Variants in HOXC10 observed in about 807,000 individuals in gnomAD.
HOXC10 encodes the protein homeobox C10.
A neutral mutation model predicts 26.0 loss-of-function variants in HOXC10; 15 were observed. That is an observed-to-expected ratio of 0.58 (90% CI 0.39 to 0.89). The LOEUF is 0.89. Among genes scored for constraint, HOXC10 ranks in the 40% least tolerant of loss-of-function variants. The pLI is 0.00. For synonymous variants in HOXC10, 196 were observed against 185.5 expected, an observed-to-expected ratio of 1.06 and a Z score of -0.46; for missense variants, 446 against 451.9, an observed-to-expected ratio of 0.99 and a Z score of 0.12.
chr12:53,989,438 T>G lies in HOXC10; in HGVS notation c.1021T>G (p.Phe341Val), dbSNP rs1356988140. 6.8e-6 allele frequency: 11 copies of G among 1,612,372 alleles called. No homozygotes were observed. The highest frequency in any genetic ancestry group is 9.3e-6 in the Non-Finnish European group (11 of 1,178,876). The change falls in exon 2 of 2, where the codon TTC (phenylalanine) becomes GTC (valine). Residue 341 changes from phenylalanine to valine, a missense_variant. Transcript: ENST00000303460. Reference protein sequence around the residue: ...RIRELTSNFNFT With the variant: ...RIRELTSNFNVT ...CCGGGAACTGACCTCCAATTTTAATTTCACCTGAGAGCGCGGCCTCTCCTC... is the reference window on the plus strand; with the variant it reads ...CCGGGAACTGACCTCCAATTTTAATGTCACCTGAGAGCGCGGCCTCTCCTC...
intron 1 of HOXC10, among the ~76,000 whole-genome samples, chr12:53,988,866 C>G (rs1042219096): frequency 6.6e-6 from 1 of 152,202 alleles, no homozygotes; most frequent in Non-Finnish European, 1.5e-5. Flanking sequence ...GGGAATCTGC[C>G]AGGGTCAGCC....
At position 53,985,189 on chromosome 12, in the gene HOXC10, C is replaced by T. The variant is rs373914181; in HGVS notation, c.-71C>T. On this transcript the variant is annotated 5_prime_UTR_variant, in exon 1 of 2. Transcript: ENST00000303460. The stretch of plus-strand genomic sequence containing the variant: ...TCCCCTCCAACCGCGCCCCCCCTCC[C>T]GGATGGGGAAAAAAAAAGATGTCAG... 2.2e-6 allele frequency: 3 copies of T among 1,377,862 alleles called. No individual in the cohort carries two copies. In the African/African-American group the frequency reaches 4.4e-5, roughly 20 times the overall value. 85.4% of individuals were successfully genotyped at this position (1,377,862 alleles called of 1,614,324 possible). A position where few individuals can be genotyped will look rare whatever the true frequency, so the allele number is the denominator to read the frequency against.
rs538290710 is a variant in HOXC10, at chr12:53,989,400, G to C, written c.983G>C (p.Arg328Pro). ...AGAATGAAACTCAAGAAAATGAACCGAGAGAATCGGATCCGGGAACTGACC... is the reference window on the plus strand; with the variant it reads ...AGAATGAAACTCAAGAAAATGAACCCAGAGAATCGGATCCGGGAACTGACC... ...NRRMKLKKMNRENRIRELTSN... is the reference protein window; with the variant it reads ...NRRMKLKKMNPENRIRELTSN... Residue 328 changes from arginine (R) to proline (P), a missense_variant, in exon 2 of 2, where the codon CGA becomes CCA. Coordinates refer to ENST00000303460, the MANE Select transcript of HOXC10 (RefSeq NM_017409.4). 2 of 1,613,918 alleles carry C rather than the reference G, an allele frequency of 1.2e-6. No homozygotes were observed. The highest frequency in any genetic ancestry group is 1.7e-6 in the Non-Finnish European group (2 of 1,179,956).
intron 1 of HOXC10, 103 bp from the exon 2 acceptor site, chr12:53,989,066 C>G: frequency 9.7e-7 from 1 of 1,033,214 alleles, no homozygotes; most frequent in South Asian, 1.7e-5. Flanking sequence ...AGCAGCTCCC[C>G]TGTGCTCCCT....
intron 1 of HOXC10, among the ~76,000 whole-genome samples, chr12:53,988,628 G>A (rs1041000711): frequency 6.6e-6 from 1 of 152,232 alleles, no homozygotes; most frequent in African/African-American, 2.4e-5. Flanking sequence ...GCTCAGGTTG[G>A]GGTAAGAGCT....
rs1939487345 is a variant in HOXC10 at position 53,989,642 on chromosome 12, T to C, written c.*196T>C. The C allele has an allele frequency of 1.6e-6, 1 of 617,534 alleles. No individual in the cohort carries two copies. The highest frequency in any genetic ancestry group is 2.8e-6 in the Non-Finnish European group (1 of 356,574). 38.3% of individuals were successfully genotyped at this position (617,534 alleles called of 1,614,324 possible). A position where few individuals can be genotyped will look rare whatever the true frequency, so the allele number is the denominator to read the frequency against. ...ATGCTTCCACTTAAAGCATGAGAAA[T>C]GGGGTGCCGGGATGTGGGGTGTGGT... On this transcript the variant is annotated 3_prime_UTR_variant, in exon 2 of 2. Transcript: ENST00000303460.
At chr12:53,988,488 C>A (rs972729746) in intron 1 of HOXC10, among the ~76,000 whole-genome samples, 1 of 152,186 alleles carries the variant, frequency 6.6e-6, no homozygotes, top group Non-Finnish European at 1.5e-5. Context: ...CCTTAGGTTG[C>A]CCCAGCTCTG....
At chr12:53,987,057 A>G (rs1042945339) in intron 1 of HOXC10, among the ~76,000 whole-genome samples, 1 of 152,208 alleles carries the variant, frequency 6.6e-6, no homozygotes, top group Admixed American at 6.5e-5. Context: ...AAAAAGGCCC[A>G]ACCAACGGGG....
chr12:53,987,318 C>T (rs1163843451), intron 1 of HOXC10, among the ~76,000 whole-genome samples: 1 of 152,158 alleles, frequency 6.6e-6, no homozygotes, highest in Admixed American at 6.5e-5. Context: ...ACTCTTTTGG[C>T]GGGCAAGGGC....
intron 1 of HOXC10, among the ~76,000 whole-genome samples, chr12:53,987,557 C>T (rs1020354328): frequency 6.6e-6 from 1 of 152,192 alleles, no homozygotes; most frequent in African/African-American, 2.4e-5. Context: ...GGAAAACCTG[C>T]ATTCTAGCCC....
rs1939480027 is a variant in HOXC10 at position 53,989,263 on chromosome 12, A to T, written c.846A>T (p.Glu282Asp). The change falls in exon 2 of 2, where the codon GAA becomes GAT. Residue 282 changes from glutamate (E) to aspartate (D), a missense_variant. Glu to Asp is a conservative substitution (Grantham distance 45). Coordinates refer to ENST00000303460, the MANE Select transcript of HOXC10 (RefSeq NM_017409.4). The part of the protein sequence containing the change: ...RCPYTKHQTL[E>D]LEKEFLFNMY... ...CCTATACTAAACACCAGACGCTGGA[A>T]TTGGAGAAAGAATTTCTGTTCAATA... 1 of 1,614,118 alleles carries T rather than the reference A, an allele frequency of 6.2e-7. No individual in the cohort carries two copies. The highest frequency in any genetic ancestry group is 1.3e-5 in the African/African-American group (1 of 74,954).
intron 1 of HOXC10, 123 bp from the exon 2 acceptor site, chr12:53,989,046 C>T (rs1412987395): frequency 1.2e-6 from 1 of 800,830 alleles, no homozygotes; most frequent in African/African-American, 1.8e-5. Context: ...CGCCAGGCCC[C>T]TGGGGCAAGA....
Position 53,989,373 on chromosome 12 carries a change from G to A in HOXC10, c.956G>A (p.Arg319His), listed in dbSNP as rs761825384. Residue 319 changes from arginine (R) to histidine (H), a missense_variant, in exon 2 of 2, where the codon CGC becomes CAC. Coordinates refer to ENST00000303460, the MANE Select transcript of HOXC10 (RefSeq NM_017409.4). ...CAAGTCAAAATCTGGTTTCAAAATC[G>A]CAGAATGAAACTCAAGAAAATGAAC... ...DRQVKIWFQN[R>H]RMKLKKMNRE... is the part of the protein sequence containing the mutation. 1 of 1,614,038 alleles carries A rather than the reference G, an allele frequency of 6.2e-7. No individual in the cohort carries two copies. Among genetic ancestry groups the A allele is most frequent in the South Asian group, 1.1e-5 (1 of 91,050 alleles).
chr12:53,985,803 C>G lies in HOXC10; in HGVS notation c.544C>G (p.Pro182Ala). 3 of 1,613,820 alleles carry G rather than the reference C, an allele frequency of 1.9e-6. No homozygotes were observed. The highest frequency in any genetic ancestry group is 2.5e-6 in the Non-Finnish European group (3 of 1,180,020). ...APFEQRASLN[P>A]RAEHLESPQL... Reference sequence around the variant, plus strand: ...TTTCGAGCAGCGGGCCAGTCTCAACCCGCGCGCCGAACATCTGGAATCGCC... The same window carrying G: ...TTTCGAGCAGCGGGCCAGTCTCAACGCGCGCGCCGAACATCTGGAATCGCC... The change falls in exon 1 of 2, where the codon CCG becomes GCG. Residue 182 changes from proline (P) to alanine (A), a missense_variant. By Grantham distance (27) the Pro-to-Ala change is conservative (BLOSUM62 -1). Coordinates refer to ENST00000303460, the MANE Select transcript of HOXC10 (RefSeq NM_017409.4).
chr12:53,989,483 T>C lies in HOXC10; in HGVS notation c.*37T>C. The C allele has an allele frequency of 1.3e-6, 2 of 1,575,148 alleles. No individual in the cohort carries two copies. The highest frequency in any genetic ancestry group is 8.6e-7 in the Non-Finnish European group (1 of 1,157,882). On this transcript the variant is annotated 3_prime_UTR_variant, in exon 2 of 2. Transcript: ENST00000303460. The stretch of plus-strand genomic sequence containing the variant: ...CTCCTCCTCCCTTCCCGCTCCTTCC[T>C]CTCCCCGCCCCTCCTCCCTTTGTGC...
intron 1 of HOXC10, among the ~76,000 whole-genome samples, chr12:53,988,858 G>A (rs1421436932): frequency 6.6e-6 from 1 of 152,222 alleles, no homozygotes; most frequent in Non-Finnish European, 1.5e-5. Flanking sequence ...AAGGTTTAGG[G>A]AATCTGCCAG....
chr12:53,985,826 G>C lies in HOXC10; in HGVS notation c.567G>C (p.Ser189=), dbSNP rs145093077. 8.1e-6 allele frequency: 13 copies of C among 1,613,658 alleles called. 1 individual carries two copies. The African/African-American group carries it at 1.7e-4, about 22-fold the overall frequency. Residue 189 remains serine (S), a synonymous_variant, in exon 1 of 2, where the codon TCG becomes TCC. Coordinates refer to ENST00000303460, the MANE Select transcript of HOXC10 (RefSeq NM_017409.4). ...SLNPRAEHLE[S]PQLGGKVSFP... ...ACCCGCGCGCCGAACATCTGGAATC[G>C]CCTCAGCTGGGGGGCAAAGTGAGTT... is the stretch of plus-strand genomic sequence containing the variant.
At chr12:53,988,351 G>A (rs996574614) in intron 1 of HOXC10, among the ~76,000 whole-genome samples, 9 of 152,202 alleles carry the variant, frequency 5.9e-5, no homozygotes, top group Non-Finnish European at 1.2e-4. Flanking sequence ...GTATACATGT[G>A]TACTTGCAGG....
At position 53,989,745 on chromosome 12, in the gene HOXC10, G is replaced by A. The variant is rs550996270; in HGVS notation, c.*299G>A. ...TCACTCACCCACGCACTCACACACA[G>A]CATTCTGTTCTCCATGCAAAGTTAA... On this transcript the variant is annotated 3_prime_UTR_variant, in exon 2 of 2. Transcript: ENST00000303460. 5.2e-6 allele frequency: 2 copies of A among 386,828 alleles called. No individual in the cohort carries two copies. Among genetic ancestry groups the A allele is most frequent in the Non-Finnish European group, 9.2e-6 (2 of 216,428 alleles). 24.0% of individuals were successfully genotyped at this position (386,828 alleles called of 1,614,324 possible). A position where few individuals can be genotyped will look rare whatever the true frequency, so the allele number is the denominator to read the frequency against.
Sources: allele counts gnomAD v4.1 joint callset (sites outside exome capture counted in the v4.1 genomes callset), GRCh38; gene constraint gnomAD v4.1.1; transcripts MANE v1.5; gene names NCBI Gene and HGNC (gene_info 2026-07-23, HGNC 2026-07-21).